Variants in MGAT4C observed in about 807,000 individuals in gnomAD.
The protein encoded by MGAT4C is MGAT4 family member C, also known as alpha-1,3-mannosyl-glycoprotein 4-beta-N-acetylglucosaminyltransferase C.
In MGAT4C, 19 loss-of-function variants were observed where a neutral mutation model predicts 40.1. That is an observed-to-expected ratio of 0.47 (90% CI 0.33 to 0.70). The LOEUF (loss-of-function observed/expected upper bound fraction) is 0.70, where lower values mean the gene tolerates loss of function less well. MGAT4C is among the 30% of genes least tolerant of loss of function. The pLI is 0.02. For missense variants in MGAT4C, 491 were observed against 563.2 expected (o/e 0.87, Z 1.30); for synonymous variants, 181 against 187.1 (o/e 0.97, Z 0.27).
At chr12:86,618,769 G>C (rs1269317393) in intron 2 of MGAT4C, among the ~76,000 whole-genome samples, 1 of 152,026 alleles carries the variant, frequency 6.6e-6, no homozygotes, top group Admixed American at 6.6e-5. Context: ...TAGCACAGTA[G>C]AGTGACTATA....
At chr12:86,192,600 G>C (rs1889644206) in intron 1 of MGAT4C, among the ~76,000 whole-genome samples, 2 of 152,170 alleles carry the variant, frequency 1.3e-5, no homozygotes, top group African/African-American at 4.8e-5. Context: ...TGTGGCCCAT[G>C]AAGAGTTGCA....
intron 2 of MGAT4C, among the ~76,000 whole-genome samples, chr12:86,512,076 CA>C (rs1257207692): frequency 2.0e-5 from 3 of 151,422 alleles, no homozygotes; most frequent in Non-Finnish European, 4.4e-5. Context: ...AAGGACAAAA[CA>C]AAAAAAGTAC....
At chr12:86,369,787 C>A (rs1162390019) in intron 3 of MGAT4C, among the ~76,000 whole-genome samples, 7 of 151,848 alleles carry the variant, frequency 4.6e-5, no homozygotes, top group African/African-American at 1.7e-4. Context: ...AAAATATCTG[C>A]CTTTGAAATT....
intron 1 of MGAT4C, among the ~76,000 whole-genome samples, chr12:86,240,373 CAT>C (rs1951735170): frequency 6.6e-6 from 1 of 151,784 alleles, no homozygotes. Flanking sequence ...AATTAATGAA[CAT>C]GTGTGTCTTT....
intron 2 of MGAT4C, among the ~76,000 whole-genome samples, chr12:86,578,203 G>A (rs1236205897): frequency 6.6e-6 from 1 of 151,784 alleles, no homozygotes; most frequent in African/African-American, 2.4e-5. Context: ...CTAATGCATA[G>A]GCAGAATTGC....
rs1884104275 is a variant in MGAT4C at position 85,977,780 on chromosome 12, T to TCTCACA, written c.*1508_*1509insTGTGAG. 7.8e-6 allele frequency: 1 copy of TCTCACA among 128,464 alleles called. No homozygotes were observed. The highest frequency in any genetic ancestry group is 1.6e-5 in the Non-Finnish European group (1 of 60,792). 8.0% of individuals were successfully genotyped at this position (128,464 alleles called of 1,614,324 possible). ...TGTCTTACCAGCAAAAGTCTAGCCT[T>TCTCACA]CACACACACACACACACACACACAC... On this transcript the variant is annotated 3_prime_UTR_variant, in exon 5 of 5. Transcript: ENST00000611864.
chr12:86,124,317 T>C (rs764540666), intron 1 of MGAT4C, among the ~76,000 whole-genome samples: 14 of 152,176 alleles, frequency 9.2e-5, no homozygotes, highest in Non-Finnish European at 1.9e-4. Context: ...ACTAGTAGGA[T>C]AGATTACTTA....
intron 2 of MGAT4C, among the ~76,000 whole-genome samples, chr12:86,652,388 C>T (rs927427878): frequency 2.0e-5 from 3 of 151,926 alleles, no homozygotes; most frequent in Middle Eastern, 3.4e-3. Context: ...AGCTCATGAA[C>T]GATTTTTAAA....
chr12:86,715,043 T>G (rs1950622137), intron 2 of MGAT4C, among the ~76,000 whole-genome samples: 1 of 152,126 alleles, frequency 6.6e-6, no homozygotes, highest in African/African-American at 2.4e-5. Flanking sequence ...ACATGGAAAC[T>G]TATCTCGTTA....
At chr12:86,219,224 T>G (rs775144817) in intron 1 of MGAT4C, among the ~76,000 whole-genome samples, 2 of 152,126 alleles carry the variant, frequency 1.3e-5, no homozygotes, top group African/African-American at 2.4e-5. Flanking sequence ...AATTCAGTGT[T>G]GAGTGTGGAC....
intron 1 of MGAT4C, among the ~76,000 whole-genome samples, chr12:86,794,148 ATATT>A (rs2136195795): frequency 6.6e-6 from 1 of 151,942 alleles, no homozygotes; most frequent in African/African-American, 2.4e-5. Context: ...GATTTATTTA[ATATT>A]TAGAGTTATA....
At chr12:86,632,423 T>A (rs1044454031) in intron 2 of MGAT4C, among the ~76,000 whole-genome samples, 2 of 152,144 alleles carry the variant, frequency 1.3e-5, no homozygotes, top group Admixed American at 6.6e-5. Context: ...CCCAAAGTAT[T>A]ATAAATCATG....
intron 2 of MGAT4C, among the ~76,000 whole-genome samples, chr12:86,565,314 C>T (rs1960044362): frequency 6.6e-6 from 1 of 152,180 alleles, no homozygotes; most frequent in South Asian, 2.1e-4. Context: ...ACCCTGCCTT[C>T]TCTCTCCCAG....
chr12:86,648,549 G>A lies in MGAT4C; in HGVS notation c.-229+78660C>T, dbSNP rs565452339. On this transcript the variant is annotated intron_variant, in intron 2 of 7. Coordinates refer to the MGAT4C transcript ENST00000548651. ...ATTCCCAGTGTAGACACCAAGGAAAGGCTATGTGAGAAAATAATGAGAAGA... is the reference window on the plus strand; with the variant it reads ...ATTCCCAGTGTAGACACCAAGGAAAAGCTATGTGAGAAAATAATGAGAAGA... 1.6e-4 allele frequency among the ~76,000 whole-genome samples: 24 copies of A among 151,956 alleles called. No individual in the cohort carries two copies. In the South Asian group the frequency reaches 5.0e-3, roughly 32 times the overall value.
chr12:86,299,745 C>T (rs1255219672), intron 4 of MGAT4C, among the ~76,000 whole-genome samples: 3 of 151,982 alleles, frequency 2.0e-5, no homozygotes, highest in East Asian at 1.9e-4. Flanking sequence ...GGACAATATG[C>T]CAAATTATAT....
chr12:86,664,364 CA>C (rs890288424), intron 2 of MGAT4C, among the ~76,000 whole-genome samples: 29 of 151,682 alleles, frequency 1.9e-4, no homozygotes, highest in African/African-American at 6.5e-4. Context: ...TTTGAAAGCT[CA>C]AAAAAATGAC....
At chr12:86,469,416 T>C (rs1957726978) in intron 2 of MGAT4C, among the ~76,000 whole-genome samples, 1 of 152,162 alleles carries the variant, frequency 6.6e-6, no homozygotes, top group South Asian at 2.1e-4. Context: ...CTCTCTCTTG[T>C]CTGATTCCTT....
chr12:86,438,810 A>C (rs1407545588), intron 2 of MGAT4C, among the ~76,000 whole-genome samples: 4 of 151,918 alleles, frequency 2.6e-5, no homozygotes, highest in African/African-American at 9.7e-5. Flanking sequence ...AACTGAGGGC[A>C]AGCAGGAGTA....
intron 1 of MGAT4C, among the ~76,000 whole-genome samples, chr12:86,797,799 C>T (rs1331392290): frequency 6.6e-6 from 1 of 151,716 alleles, no homozygotes; most frequent in Admixed American, 6.6e-5. Context: ...GATATTTGAA[C>T]CTCTCTTCTT....
Sources: allele counts gnomAD v4.1 joint callset (sites outside exome capture counted in the v4.1 genomes callset), GRCh38; gene constraint gnomAD v4.1.1; transcripts MANE v1.5; gene names NCBI Gene and HGNC (gene_info 2026-07-23, HGNC 2026-07-21).